CHST9: variants seen among roughly 807,000 people sequenced by gnomAD.
CHST9 encodes the protein carbohydrate sulfotransferase 9, also known as GalNAc-4-sulfotransferase 2.
CHST9 carries 41 observed loss-of-function variants against 44.4 expected under a neutral mutation model. The observed-to-expected ratio is 0.92, with a 90% CI of 0.72 to 1.20. The LOEUF is 1.20. Ranked by LOEUF, CHST9 falls within the 50% of genes most tolerant of loss-of-function variation. CHST9 has a pLI of 0.00. For synonymous variants in CHST9, 171 were observed against 178.4 expected, an observed-to-expected ratio of 0.96 and a Z score of 0.33; for missense variants, 504 against 516.5, an observed-to-expected ratio of 0.98 and a Z score of 0.23.
intron 5 of CHST9, among the ~76,000 whole-genome samples, chr18:26,943,349 T>C (rs2145115038): frequency 6.6e-6 from 1 of 152,338 alleles, no homozygotes; most frequent in Non-Finnish European, 1.5e-5. Flanking sequence ...ACAGGGCATC[T>C]GGCACAGATT....
intron 2 of CHST9, among the ~76,000 whole-genome samples, chr18:27,119,808 T>C (rs2058359477): frequency 6.6e-6 from 1 of 152,188 alleles, no homozygotes; most frequent in Non-Finnish European, 1.5e-5. Context: ...AAAAGAGTCT[T>C]TTCATTCACT....
At chr18:26,980,350 G>C (rs2056676939) in intron 4 of CHST9, among the ~76,000 whole-genome samples, 1 of 152,050 alleles carries the variant, frequency 6.6e-6, no homozygotes, top group African/African-American at 2.4e-5. Context: ...TAAGAAACCA[G>C]TGCTTAATCC....
intron 4 of CHST9, among the ~76,000 whole-genome samples, chr18:26,980,175 A>T (rs185468985): frequency 6.6e-6 from 1 of 151,998 alleles, no homozygotes; most frequent in Admixed American, 6.6e-5. Flanking sequence ...CTTCTATATA[A>T]CCCTTCACTA....
At chr18:26,929,653 G>C (rs971003353) in intron 5 of CHST9, among the ~76,000 whole-genome samples, 7 of 152,204 alleles carry the variant, frequency 4.6e-5, no homozygotes, top group African/African-American at 1.7e-4. Flanking sequence ...AAAAGACACT[G>C]TCCAAGTGGG....
At chr18:27,128,648 T>C (rs1008969146) in intron 2 of CHST9, among the ~76,000 whole-genome samples, 1 of 152,300 alleles carries the variant, frequency 6.6e-6, no homozygotes, top group East Asian at 1.9e-4. Context: ...GATTGGCCAG[T>C]CCATATATCT....
chr18:26,982,268 T>C (rs1315986889), intron 4 of CHST9, among the ~76,000 whole-genome samples: 2 of 151,712 alleles, frequency 1.3e-5, no homozygotes, highest in African/African-American at 2.4e-5. Flanking sequence ...ATGTTGTAGT[T>C]AAAATAGTTT....
At chr18:27,093,911 G>T (rs775332278) in intron 2 of CHST9, among the ~76,000 whole-genome samples, 1 of 151,750 alleles carries the variant, frequency 6.6e-6, no homozygotes, top group African/African-American at 2.4e-5. Context: ...TAAACAAAGA[G>T]GCTGAGAGAT....
intron 1 of CHST9, among the ~76,000 whole-genome samples, chr18:27,158,876 T>C (rs961241541): frequency 1.3e-5 from 2 of 152,262 alleles, no homozygotes; most frequent in South Asian, 2.1e-4. Flanking sequence ...CATTTTTTCA[T>C]GTGTCTTTTG....
intron 1 of CHST9, among the ~76,000 whole-genome samples, chr18:27,165,805 A>G (rs2058785428): frequency 6.6e-6 from 1 of 152,232 alleles, no homozygotes. Flanking sequence ...CTATCTTAAG[A>G]AAACATTGTA....
At chr18:26,954,000 CCATTATAGATCTGCA>C (rs1394611387) in intron 4 of CHST9, among the ~76,000 whole-genome samples, 11 of 152,028 alleles carry the variant, frequency 7.2e-5, no homozygotes, top group Non-Finnish European at 1.2e-4. Flanking sequence ...GCAAATACGC[CCATTATAGATCTGCA>C]CATGTAGAGT....
chr18:26,932,329 C>T (rs1223725360), intron 5 of CHST9, among the ~76,000 whole-genome samples: 4 of 152,182 alleles, frequency 2.6e-5, no homozygotes, highest in Non-Finnish European at 5.9e-5. Context: ...CAACAAATCT[C>T]CTTATCTTCA....
intron 2 of CHST9, among the ~76,000 whole-genome samples, chr18:27,114,956 G>C (rs2058307488): frequency 6.6e-6 from 1 of 152,132 alleles, no homozygotes; most frequent in Non-Finnish European, 1.5e-5. Context: ...ACCAGATGGA[G>C]GTAATTGAAT....
intron 2 of CHST9, among the ~76,000 whole-genome samples, chr18:27,092,345 T>C (rs2058077379): frequency 6.6e-6 from 1 of 152,222 alleles, no homozygotes. Context: ...TTTTTCTTTA[T>C]CAGTCTTGCT....
chr18:26,962,519 G>C (rs569128120), intron 4 of CHST9, among the ~76,000 whole-genome samples: 89 of 152,248 alleles, frequency 5.8e-4, no homozygotes, highest in African/African-American at 2.1e-3. Flanking sequence ...TTGAACTCCT[G>C]CCCTAAAGTG....
At chr18:26,989,231 A>G (rs889260265) in intron 4 of CHST9, among the ~76,000 whole-genome samples, 9 of 152,214 alleles carry the variant, frequency 5.9e-5, no homozygotes, top group Admixed American at 4.6e-4. Flanking sequence ...AGAAAACTTA[A>G]TTTAAAAACA....
chr18:27,162,936 T>C (rs898118742), intron 1 of CHST9, among the ~76,000 whole-genome samples: 20 of 152,160 alleles, frequency 1.3e-4, no homozygotes, highest in African/African-American at 4.3e-4. Context: ...TCCCCATCTT[T>C]GTGGTTTTAT....
At chr18:26,998,143 G>T (rs1172381230) in intron 4 of CHST9, among the ~76,000 whole-genome samples, 4 of 152,116 alleles carry the variant, frequency 2.6e-5, no homozygotes, top group Admixed American at 1.3e-4. Flanking sequence ...GATGGGCATG[G>T]AGCTCTTCCA....
chr18:26,958,346 A>G (rs367622697), intron 4 of CHST9, among the ~76,000 whole-genome samples: 28 of 152,272 alleles, frequency 1.8e-4, no homozygotes, highest in African/African-American at 6.0e-4. Context: ...ATGAGGAGTA[A>G]TGAAAATTCC....
intron 3 of CHST9, 97 bp downstream of exon 3, chr18:27,048,368 A>G: frequency 1.1e-6 from 1 of 890,262 alleles, no homozygotes; most frequent in Non-Finnish European, 1.8e-6. Context: ...ATAAACTATT[A>G]ATTTTAGTGT....
Sources: allele counts gnomAD v4.1 joint callset (sites outside exome capture counted in the v4.1 genomes callset), GRCh38; gene constraint gnomAD v4.1.1; transcripts MANE v1.5; gene names NCBI Gene and HGNC (gene_info 2026-07-23, HGNC 2026-07-21).